CCDC146: variants seen among roughly 807,000 people sequenced by gnomAD.
The protein encoded by CCDC146 is coiled-coil domain-containing protein 146.
CCDC146 carries 92 observed loss-of-function variants against 119.3 expected under a neutral mutation model. The observed-to-expected ratio is 0.77, with a 90% CI of 0.65 to 0.92. CCDC146 has a LOEUF of 0.92. Among genes scored for constraint, CCDC146 ranks in the 40% least tolerant of loss-of-function variants. The probability of loss-of-function intolerance (pLI) is 0.00; values close to 1 mark genes in which losing one functional copy is unlikely to be tolerated. For missense variants in CCDC146, 1,000 were observed against 1,103.0 expected (o/e 0.91, Z 1.32); for synonymous variants, 372 against 371.8 (o/e 1.00, Z -0.01).
At chr7:77,164,129 C>T (rs935511152) in intron 1 of CCDC146, among the ~76,000 whole-genome samples, 2 of 151,994 alleles carry the variant, frequency 1.3e-5, no homozygotes, top group African/African-American at 4.8e-5. Flanking sequence ...TCCCAAAGTG[C>T]TGAGATTACA....
At chr7:77,164,479 T>G (rs1280109103) in intron 1 of CCDC146, among the ~76,000 whole-genome samples, 2 of 152,186 alleles carry the variant, frequency 1.3e-5, no homozygotes, top group African/African-American at 4.8e-5. Context: ...ATGATACCAC[T>G]GGCTATTAAC....
chr7:77,232,443 G>T (rs990208546), intron 2 of CCDC146, among the ~76,000 whole-genome samples: 1 of 152,172 alleles, frequency 6.6e-6, no homozygotes, highest in Non-Finnish European at 1.5e-5. Flanking sequence ...CTGCTGGTCT[G>T]CATCTATTAG....
At position 77,280,548 on chromosome 7, in the gene CCDC146, A is replaced by G; in HGVS notation, c.1814A>G (p.Gln605Arg). ...GAAATGAAAGAAAAGAAGGAAGCCC[A>G]GTTAAATAACATTGACAGACTTGCC... The part of the protein sequence containing the change: ...LQEMKEKKEA[Q>R]LNNIDRLANT... Residue 605 changes from glutamine (Q) to arginine (R), a missense_variant, in exon 14 of 19, where the codon CAG (glutamine) becomes CGG (arginine). Gln to Arg is a conservative substitution (Grantham distance 43). Around this residue, in one of 2 missense-constraint regions of CCDC146, gnomAD observed 985 missense variants for 1,045.3 expected, o/e 0.94. Transcript: ENST00000285871. 1.2e-6 allele frequency: 2 copies of G among 1,614,230 alleles called. No homozygotes were observed. The highest frequency in any genetic ancestry group is 1.7e-6 in the Non-Finnish European group (2 of 1,180,032).
At chr7:77,155,479 A>G (rs1441667404) in intron 1 of CCDC146, among the ~76,000 whole-genome samples, 1 of 151,934 alleles carries the variant, frequency 6.6e-6, no homozygotes, top group East Asian at 1.9e-4. Context: ...CCAAGAGGAA[A>G]GGGCTTTGCT....
At chr7:77,122,836 G>A (rs1370291319) in intron 1 of CCDC146, 104 bp downstream of exon 1, 1 of 152,868 alleles carries the variant, frequency 6.5e-6, no homozygotes, top group East Asian at 1.9e-4. Flanking sequence ...GCATCTCCAG[G>A]GCATGGAGAA....
At chr7:77,157,917 A>T (rs565410881) in intron 1 of CCDC146, among the ~76,000 whole-genome samples, 3 of 152,148 alleles carry the variant, frequency 2.0e-5, no homozygotes, top group Non-Finnish European at 4.4e-5. Context: ...CTTGCTCACC[A>T]TGGTACCTAT....
intron 2 of CCDC146, among the ~76,000 whole-genome samples, chr7:77,213,103 T>C (rs1019387589): frequency 6.6e-6 from 1 of 152,056 alleles, no homozygotes; most frequent in East Asian, 1.9e-4. Flanking sequence ...GTGGTGGTGG[T>C]GGTTTGAGGC....
At chr7:77,220,189 G>A (rs902866339) in intron 2 of CCDC146, among the ~76,000 whole-genome samples, 6 of 152,232 alleles carry the variant, frequency 3.9e-5, no homozygotes, top group Admixed American at 6.5e-5. Flanking sequence ...GGCTTCCCCC[G>A]GGAATGCATT....
At chr7:77,224,839 G>A (rs370881174) in intron 2 of CCDC146, among the ~76,000 whole-genome samples, 93 of 152,280 alleles carry the variant, frequency 6.1e-4, no homozygotes, top group African/African-American at 2.0e-3. Context: ...CAGACTCAAG[G>A]AAGACAAGTA....
chr7:77,233,676 A>G (rs1436768005), intron 2 of CCDC146, among the ~76,000 whole-genome samples: 1 of 151,934 alleles, frequency 6.6e-6, no homozygotes, highest in African/African-American at 2.4e-5. Context: ...GCATTTCACA[A>G]TGGGGTTTAT....
chr7:77,255,171 C>T (rs10244792), intron 5 of CCDC146, among the ~76,000 whole-genome samples: 4,189 of 152,204 alleles, frequency 0.028, 191 homozygotes, highest in African/African-American at 0.095. Context: ...GAGCAAACTC[C>T]AATATGTAAG....
At chr7:77,150,821 G>A (rs1287895721) in intron 1 of CCDC146, among the ~76,000 whole-genome samples, 1 of 152,162 alleles carries the variant, frequency 6.6e-6, no homozygotes, top group African/African-American at 2.4e-5. Context: ...CTATCAATTG[G>A]TGAATGGCAA....
intron 2 of CCDC146, among the ~76,000 whole-genome samples, chr7:77,217,063 T>C (rs1792314276): frequency 6.6e-6 from 1 of 152,140 alleles, no homozygotes; most frequent in African/African-American, 2.4e-5. Flanking sequence ...TTTTGATTAG[T>C]GAACAAAGGA....
chr7:77,175,661 A>G (rs1791489607), intron 2 of CCDC146, among the ~76,000 whole-genome samples: 1 of 151,332 alleles, frequency 6.6e-6, no homozygotes, highest in Non-Finnish European at 1.5e-5. Context: ...TAAGATGTCA[A>G]GAACCTTGTG....
At chr7:77,216,346 T>A (rs1443883251) in intron 2 of CCDC146, among the ~76,000 whole-genome samples, 1 of 152,056 alleles carries the variant, frequency 6.6e-6, no homozygotes, top group Non-Finnish European at 1.5e-5. Flanking sequence ...CTACCTAAAG[T>A]TTTCTAAATG....
chr7:77,157,751 G>C (rs1791198213), intron 1 of CCDC146, among the ~76,000 whole-genome samples: 1 of 152,198 alleles, frequency 6.6e-6, no homozygotes, highest in Non-Finnish European at 1.5e-5. Context: ...GGTGCTCCCT[G>C]TAAGTGTGCA....
At chr7:77,273,665 A>C in intron 9 of CCDC146, 29 bp from the exon 10 acceptor site, 69 of 1,429,362 alleles carry the variant, frequency 4.8e-5, no homozygotes, top group Non-Finnish European at 6.2e-5. Context: ...TTCTTACATA[A>C]ATGCATGTTT....
At chr7:77,289,752 G>C (rs1055717495) in intron 17 of CCDC146, among the ~76,000 whole-genome samples, 1 of 152,186 alleles carries the variant, frequency 6.6e-6, no homozygotes, top group Non-Finnish European at 1.5e-5. Flanking sequence ...GCAGAAAGTG[G>C]GAAATCTCAG....
At chr7:77,136,651 A>G (rs1220765319) in intron 1 of CCDC146, among the ~76,000 whole-genome samples, 3 of 152,316 alleles carry the variant, frequency 2.0e-5, no homozygotes, top group Non-Finnish European at 2.9e-5. Context: ...AATAGGAAGC[A>G]CAAAGTTCAG....
Sources: gnomAD v4.1 joint callset for allele counts (sites outside exome capture counted in the v4.1 genomes callset) on GRCh38, gnomAD v4.1.1 for gene constraint, gnomAD v4.1.1 regional missense constraint, MANE v1.5 for transcripts, NCBI Gene and HGNC (gene_info 2026-07-23, HGNC 2026-07-21) for gene names.